Variants in PTPRF observed in about 807,000 individuals in gnomAD.
PTPRF encodes the protein protein tyrosine phosphatase receptor type F, also known as receptor-type tyrosine-protein phosphatase F.
PTPRF carries 59 observed loss-of-function variants against 201.8 expected under a neutral mutation model. The observed-to-expected ratio is 0.29, with a 90% confidence interval of 0.24 to 0.36. The LOEUF (loss-of-function observed/expected upper bound fraction) is 0.36, where lower values mean the gene tolerates loss of function less well. Ranked by LOEUF, PTPRF falls within the 10% of genes least tolerant of loss-of-function variation. The probability of loss-of-function intolerance (pLI) is 1.00; values close to 1 mark genes in which losing one functional copy is unlikely to be tolerated. For synonymous variants in PTPRF, 1,088 were observed against 1,089.7 expected, an observed-to-expected ratio of 1.00 and a Z score of 0.03; for missense variants, 2,132 against 2,690.5, an observed-to-expected ratio of 0.79 and a Z score of 4.59.
At chr1:43,616,881 G>T (rs998326088) in intron 23 of PTPRF, among the ~76,000 whole-genome samples, 1 of 152,116 alleles carries the variant, frequency 6.6e-6, no homozygotes, top group Non-Finnish European at 1.5e-5. Context: ...AGAGAAGAGG[G>T]CCTAGAAGGA....
Position 43,619,185 on chromosome 1 carries a change from C to T in PTPRF, c.4629C>T (p.Pro1543=). The change falls in exon 27 of 34, where the codon CCC becomes CCT. Residue 1543 remains proline, a synonymous_variant. Coordinates refer to ENST00000359947, the MANE Select transcript of PTPRF (RefSeq NM_002840.5). ...VKACNPLDAG[P]MVVHCSAGVG... is the part of the protein sequence containing the mutation. ...CCTGCAACCCCCTAGACGCAGGGCC[C>T]ATGGTGGTGCACTGCAGGTGAGAGG... 6.5e-7 allele frequency: 1 copy of T among 1,543,372 alleles called. No individual in the cohort carries two copies. The highest frequency in any genetic ancestry group is 1.4e-5 in the African/African-American group (1 of 70,982).
chr1:43,561,714 A>G (rs1369198882), intron 5 of PTPRF, among the ~76,000 whole-genome samples: 1 of 152,154 alleles, frequency 6.6e-6, no homozygotes, highest in African/African-American at 2.4e-5. Flanking sequence ...GAGGTTCTAC[A>G]ATCATTTCCT....
chr1:43,619,235 G>C, intron 27 of PTPRF, 33 bp downstream of exon 27: 1 of 1,606,172 alleles, frequency 6.2e-7, no homozygotes, highest in Non-Finnish European at 8.5e-7. Flanking sequence ...AGAGGGGTGG[G>C]TGGGGTGGGA....
intron 7 of PTPRF, among the ~76,000 whole-genome samples, chr1:43,585,219 G>T (rs757924169): frequency 6.6e-6 from 1 of 152,192 alleles, no homozygotes; most frequent in African/African-American, 2.4e-5. Context: ...GCAGCAGTGG[G>T]TGGAGGATGG....
At chr1:43,585,403 A>T (rs1648879466) in intron 7 of PTPRF, among the ~76,000 whole-genome samples, 1 of 152,028 alleles carries the variant, frequency 6.6e-6, no homozygotes, top group Admixed American at 6.6e-5. Context: ...CACATGGAAA[A>T]TGTCTCAGTC....
At chr1:43,617,971 A>C in intron 25 of PTPRF, 60 bp downstream of exon 25, 1 of 1,514,224 alleles carries the variant, frequency 6.6e-7, no homozygotes, top group South Asian at 1.2e-5. Flanking sequence ...AAGGTGATAC[A>C]GGGCACCTTC....
At chr1:43,576,020 C>T in intron 6 of PTPRF, 1 of 1,199,664 alleles carries the variant, frequency 8.3e-7, no homozygotes, top group Non-Finnish European at 1.1e-6. Flanking sequence ...TCCCCATCCC[C>T]ATCCCAACCT....
intron 1 of PTPRF, among the ~76,000 whole-genome samples, chr1:43,534,413 A>G (rs1322152170): frequency 2.0e-5 from 3 of 152,180 alleles, no homozygotes. Context: ...AAGTAAGGTG[A>G]GAGAAGATGC....
intron 23 of PTPRF, among the ~76,000 whole-genome samples, chr1:43,615,727 C>T (rs1020542329): frequency 1.2e-3 from 180 of 151,980 alleles, no homozygotes; most frequent in Non-Finnish European, 1.9e-4. Flanking sequence ...CTACCACACC[C>T]GGCTAATTTT....
intron 24 of PTPRF, 45 bp downstream of exon 24, chr1:43,617,613 G>A (rs978094281): frequency 1.2e-6 from 2 of 1,611,654 alleles, no homozygotes; most frequent in South Asian, 2.2e-5. Flanking sequence ...TCTCCCCCTT[G>A]CTAGCTAGGG....
intron 7 of PTPRF, among the ~76,000 whole-genome samples, chr1:43,585,125 G>T (rs3828149): frequency 0.11 from 16,592 of 152,178 alleles, 1,100 homozygotes; most frequent in African/African-American, 0.18. Flanking sequence ...ATTTTTCCCA[G>T]CTCCAGTTTT....
chr1:43,535,195 C>T (rs527496381), intron 1 of PTPRF, among the ~76,000 whole-genome samples: 3 of 152,288 alleles, frequency 2.0e-5, no homozygotes, highest in South Asian at 4.1e-4. Flanking sequence ...AAAGGGGGTG[C>T]CTGCCCCTAT....
Position 43,554,040 on chromosome 1 carries a change from G to A in PTPRF, c.379+99G>A. On this transcript the variant is annotated intron_variant, in intron 5 of 33. Transcript: ENST00000359947. The surrounding 1 kb of genome is among the most constrained non-coding windows in gnomAD (Gnocchi z 4.1). Reference sequence around the variant, plus strand: ...GTCCTGGGCCCATGTGCATTTGGCAGAAAGGAGGACTGGCCACCTCGGGGT... The same window carrying A: ...GTCCTGGGCCCATGTGCATTTGGCAAAAAGGAGGACTGGCCACCTCGGGGT... 1.3e-6 allele frequency: 2 copies of A among 1,500,194 alleles called. No individual in the cohort carries two copies. Among genetic ancestry groups the A allele is most frequent in the Admixed American group, 2.0e-5 (1 of 50,636 alleles). 92.9% of individuals were successfully genotyped at this position (1,500,194 alleles called of 1,614,324 possible).
At chr1:43,610,168 T>C (rs1656109713) in intron 22 of PTPRF, among the ~76,000 whole-genome samples, 2 of 152,174 alleles carry the variant, frequency 1.3e-5, no homozygotes, top group African/African-American at 4.8e-5. Context: ...TGGGATTACC[T>C]CAGTGACAGT....
At position 43,588,372 on chromosome 1, in the gene PTPRF, G is replaced by A. The variant is rs1441336810; in HGVS notation, c.680-359G>A. Among the ~76,000 whole-genome samples, 1 of 152,204 alleles carries A rather than the reference G, an allele frequency of 6.6e-6. No individual in the cohort carries two copies. Among genetic ancestry groups the A allele is most frequent in the Non-Finnish European group, 1.5e-5 (1 of 68,036 alleles). ...AGAGATAGGCCCTGGAGAACACCCT[G>A]GGTTGTGGTCCTGACCAGGCCTGGA... On this transcript the variant is annotated intron_variant, in intron 7 of 33. Transcript: ENST00000359947. The surrounding 1 kb of genome is among the most constrained non-coding windows in gnomAD (Gnocchi z 5.3).
chr1:43,603,271 G>A lies in PTPRF; in HGVS notation c.2341-145G>A. Reference sequence around the variant, plus strand: ...CCTGCCTGCTTCCTCTCCAGCAGAGGCCACCATTGTATAGCCCCACCTTCC... The same window carrying A: ...CCTGCCTGCTTCCTCTCCAGCAGAGACCACCATTGTATAGCCCCACCTTCC... On this transcript the variant is annotated intron_variant, in intron 14 of 33. Transcript: ENST00000359947. This position sits in a 1 kb window ranked among gnomAD's most constrained non-coding sequence, Gnocchi z 5.8. The A allele has an allele frequency of 1.4e-6, 1 of 705,766 alleles. No homozygotes were observed. Among genetic ancestry groups the A allele is most frequent in the South Asian group, 1.7e-5 (1 of 58,314 alleles). 43.7% of individuals were successfully genotyped at this position (705,766 alleles called of 1,614,324 possible). A position where few individuals can be genotyped will look rare whatever the true frequency, so the allele number is the denominator to read the frequency against.
chr1:43,605,290 A>T lies in PTPRF; in HGVS notation c.3236A>T (p.Asn1079Ile). The T allele has an allele frequency of 6.2e-7, 1 of 1,613,244 alleles. No homozygotes were observed. The highest frequency in any genetic ancestry group is 8.5e-7 in the Non-Finnish European group (1 of 1,179,516). Reference sequence around the variant, plus strand: ...ACAGAGTACTCGTTTGTGCTGATGAACCGTGGCAGCAGCGCAGGGGGCCTG... The same window carrying T: ...ACAGAGTACTCGTTTGTGCTGATGATCCGTGGCAGCAGCGCAGGGGGCCTG... ...PNTEYSFVLM[N>I]RGSSAGGLQH... The change falls in exon 18 of 34, where the codon AAC becomes ATC. Residue 1079 changes from asparagine to isoleucine, a missense_variant. Around this residue, in one of 6 missense-constraint regions of PTPRF, gnomAD observed 818 missense variants for 915.3 expected, o/e 0.89. Coordinates refer to ENST00000359947, the MANE Select transcript of PTPRF (RefSeq NM_002840.5).
At chr1:43,540,865 G>A (rs1044094608) in intron 2 of PTPRF, among the ~76,000 whole-genome samples, 16 of 152,324 alleles carry the variant, frequency 1.1e-4, no homozygotes, top group South Asian at 4.1e-4. Context: ...ATTTATTCCC[G>A]TCATAATCCA....
chr1:43,522,506 T>C (rs1470789616), upstream of PTPRF, among the ~76,000 whole-genome samples: 3 of 152,158 alleles, frequency 2.0e-5, no homozygotes, highest in Non-Finnish European at 2.9e-5. Context: ...ATTTAACATA[T>C]AGCTATTGAG....
Sources: allele counts gnomAD v4.1 joint callset (sites outside exome capture counted in the v4.1 genomes callset), GRCh38; gene constraint gnomAD v4.1.1; regional missense constraint gnomAD v4.1.1; non-coding constraint Gnocchi (gnomAD v3.1); transcripts MANE v1.5; gene names NCBI Gene and HGNC (gene_info 2026-07-23, HGNC 2026-07-21).